Variants in MOB3B observed in about 807,000 individuals in gnomAD.
MOB3B encodes the protein MOB kinase activator 3B, also known as MOB kinase activator-like 2B.
MOB3B carries 7 observed loss-of-function variants against 18.7 expected under a neutral mutation model. That is an observed-to-expected ratio of 0.37 (90% confidence interval 0.21 to 0.70). MOB3B has a LOEUF of 0.70. Ranked by LOEUF, MOB3B falls within the 30% of genes least tolerant of loss-of-function variation. MOB3B has a pLI of 0.52. For missense variants in MOB3B, 253 were observed against 281.3 expected (o/e 0.90, Z 0.72); for synonymous variants, 111 against 99.9 (o/e 1.11, Z -0.66).
In MOB3B at chr9:27,357,121, A is replaced by AATATATATATATATAT. The variant is rs56064443; in HGVS notation, c.621+1897_621+1912dup. Reference sequence around the variant, plus strand: ...TGTTCCAGGACTACTGAGTAATGCAAATATATATATATATATATATATATG... The same window carrying AATATATATATATATAT: ...TGTTCCAGGACTACTGAGTAATGCAAATATATATATATATATATATATATATATATATATATATATG... On this transcript the variant is annotated intron_variant, in intron 3 of 3. Transcript: ENST00000262244. Among the ~76,000 whole-genome samples, 60 of 62,900 alleles carry AATATATATATATATAT rather than the reference A, an allele frequency of 9.5e-4. 1 individual carries two copies. In the East Asian group the frequency reaches 0.013, roughly 14 times the overall value. 41.3% of individuals were successfully genotyped at this position (62,900 alleles called of 152,430 possible). A position where few individuals can be genotyped will look rare whatever the true frequency, so the allele number is the denominator to read the frequency against.
chr9:27,512,719 C>T (rs1281432079), intron 1 of MOB3B, among the ~76,000 whole-genome samples: 3 of 152,070 alleles, frequency 2.0e-5, no homozygotes, highest in African/African-American at 7.2e-5. Flanking sequence ...TTAGAATTGG[C>T]ATTGTCAGCT....
chr9:27,435,099 G>A (rs1822479278), intron 2 of MOB3B, among the ~76,000 whole-genome samples: 1 of 151,520 alleles, frequency 6.6e-6, no homozygotes. Context: ...CTCCCCACCA[G>A]GGAGAAAGGG....
At chr9:27,385,490 G>A (rs1488322321) in intron 2 of MOB3B, among the ~76,000 whole-genome samples, 1 of 152,124 alleles carries the variant, frequency 6.6e-6, no homozygotes, top group Non-Finnish European at 1.5e-5. Flanking sequence ...GGGGTTGAGA[G>A]GGTGGGGTCC....
At chr9:27,491,639 C>G (rs1263100224) in intron 1 of MOB3B, among the ~76,000 whole-genome samples, 1 of 152,148 alleles carries the variant, frequency 6.6e-6, no homozygotes, top group Non-Finnish European at 1.5e-5. Flanking sequence ...CTTTGGGAGG[C>G]CGAGCAGGCA....
chr9:27,475,497 C>T (rs999432095), intron 1 of MOB3B, among the ~76,000 whole-genome samples: 3 of 152,196 alleles, frequency 2.0e-5, no homozygotes, highest in Admixed American at 1.3e-4. Flanking sequence ...ACCAAAAGTC[C>T]ATTCATTGAT....
At chr9:27,472,420 G>A (rs1012715991) in intron 1 of MOB3B, among the ~76,000 whole-genome samples, 17 of 151,994 alleles carry the variant, frequency 1.1e-4, no homozygotes, top group African/African-American at 3.9e-4. Flanking sequence ...GCGAGGGCTC[G>A]CTTTATTTTT....
chr9:27,445,869 G>C (rs546201095), intron 2 of MOB3B, among the ~76,000 whole-genome samples: 4 of 152,072 alleles, frequency 2.6e-5, no homozygotes, highest in East Asian at 1.9e-4. Flanking sequence ...TATGATCCAG[G>C]GGGTGGGCAA....
intron 1 of MOB3B, among the ~76,000 whole-genome samples, chr9:27,489,722 C>T (rs1819784985): frequency 1.3e-5 from 1 of 78,218 alleles, no homozygotes; most frequent in Non-Finnish European, 2.6e-5. Context: ...GGAAACATCA[C>T]ACCAGATAAG....
chr9:27,522,430 T>C (rs796658819), intron 1 of MOB3B, among the ~76,000 whole-genome samples: 3,917 of 148,602 alleles, frequency 0.026, 92 homozygotes, highest in African/African-American at 0.055. Context: ...CATATATATA[T>C]ATATATATAT....
intron 2 of MOB3B, among the ~76,000 whole-genome samples, chr9:27,436,230 A>G (rs1822498872): frequency 6.6e-6 from 1 of 152,222 alleles, no homozygotes. Flanking sequence ...ATATTGGCAC[A>G]CTGCATTTTC....
At chr9:27,519,294 AGG>A in intron 1 of MOB3B, among the ~76,000 whole-genome samples, 1 of 152,218 alleles carries the variant, frequency 6.6e-6, no homozygotes, top group African/African-American at 2.4e-5. Context: ...CTCACAGGCG[AGG>A]TCTGGTGAGC....
At chr9:27,339,423 C>A (rs989641981) in intron 3 of MOB3B, among the ~76,000 whole-genome samples, 5 of 152,166 alleles carry the variant, frequency 3.3e-5, no homozygotes, top group African/African-American at 1.2e-4. Flanking sequence ...TGAAGCCGTG[C>A]CAGGTCACAA....
At chr9:27,519,110 C>T (rs909353764) in intron 1 of MOB3B, among the ~76,000 whole-genome samples, 2 of 152,168 alleles carry the variant, frequency 1.3e-5, no homozygotes, top group Admixed American at 1.3e-4. Flanking sequence ...CTGTTAATTC[C>T]CTTAATTTTC....
At chr9:27,438,098 C>T (rs1378893343) in intron 2 of MOB3B, among the ~76,000 whole-genome samples, 3 of 152,178 alleles carry the variant, frequency 2.0e-5, no homozygotes, top group Admixed American at 2.0e-4. Context: ...CTTTTAGAAG[C>T]TGGATTCACA....
At chr9:27,400,262 G>A (rs1203230233) in intron 2 of MOB3B, among the ~76,000 whole-genome samples, 1 of 152,200 alleles carries the variant, frequency 6.6e-6, no homozygotes, top group Admixed American at 6.5e-5. Flanking sequence ...ATTATTGATT[G>A]TATTGTTAAT....
chr9:27,347,114 C>A (rs1018802115), intron 3 of MOB3B, among the ~76,000 whole-genome samples: 2 of 152,216 alleles, frequency 1.3e-5, no homozygotes, highest in Non-Finnish European at 2.9e-5. Flanking sequence ...GAATCTAAAC[C>A]TATCCTAATG....
At chr9:27,524,612 A>C (rs756025302) in intron 1 of MOB3B, 45 of 1,614,040 alleles carry the variant, frequency 2.8e-5, no homozygotes, top group Non-Finnish European at 3.7e-5. Flanking sequence ...AAATGTCCCT[A>C]CAGGCCTTCA....
intron 3 of MOB3B, among the ~76,000 whole-genome samples, chr9:27,339,585 TAC>T (rs1491472486): frequency 6.6e-6 from 1 of 152,176 alleles, no homozygotes; most frequent in African/African-American, 2.4e-5. Context: ...ATTCAATCCT[TAC>T]ATCAGTCTTA....
chr9:27,337,359 G>C (rs1293055497), intron 3 of MOB3B, among the ~76,000 whole-genome samples: 2 of 152,176 alleles, frequency 1.3e-5, no homozygotes, highest in African/African-American at 4.8e-5. Flanking sequence ...TGAGAACACT[G>C]ACCATCTTGA....
Sources: allele counts gnomAD v4.1 joint callset (sites outside exome capture counted in the v4.1 genomes callset), GRCh38; gene constraint gnomAD v4.1.1; transcripts MANE v1.5; gene names NCBI Gene and HGNC (gene_info 2026-07-23, HGNC 2026-07-21).